PLCZ1: variants seen among roughly 807,000 people sequenced by gnomAD.
The protein encoded by PLCZ1 is 1-phosphatidylinositol 4,5-bisphosphate phosphodiesterase zeta-1.
In PLCZ1, 64 loss-of-function variants were observed where a neutral mutation model predicts 76.8. The ratio of observed to expected loss-of-function variants is 0.83; its 90% CI spans 0.68 to 1.03. The LOEUF (loss-of-function observed/expected upper bound fraction) is 1.03, where lower values mean the gene tolerates loss of function less well. Ranked by LOEUF, PLCZ1 falls within the 50% of genes least tolerant of loss-of-function variation. The pLI is 0.00. For synonymous variants in PLCZ1, 248 were observed against 230.8 expected (o/e 1.07, Z -0.68); for missense variants, 751 against 713.7 (o/e 1.05, Z -0.60).
chr12:18,661,869 G>A, the PLCZ1 span, among the ~76,000 whole-genome samples: 1 of 152,078 alleles, frequency 6.6e-6, no homozygotes, highest in Non-Finnish European at 1.5e-5. Context: ...CAACCTATGT[G>A]CCCATCAACA....
At position 18,713,095 on chromosome 12, in the gene PLCZ1, G is replaced by T. The variant is rs572335666; in HGVS notation, c.570-109C>A. The T allele has an allele frequency of 2.6e-5, 36 of 1,406,946 alleles. No homozygotes were observed. In the South Asian group the frequency reaches 4.0e-4, roughly 16 times the overall value. The allele number at this position is 1,406,946 out of a possible 1,614,324, so 87.2% of individuals were successfully genotyped here. On this transcript the variant is annotated intron_variant, in intron 5 of 14. Transcript: ENST00000266505. ...TTGATTTTATAATAAATGCATAAAT[G>T]AGTCCATAAAACTCTATAAAAACTT...
the PLCZ1 span, among the ~76,000 whole-genome samples, chr12:18,646,026 AAGG>A: frequency 6.6e-6 from 1 of 152,138 alleles, no homozygotes; most frequent in Non-Finnish European, 1.5e-5. Flanking sequence ...AGAAAAGGAA[AAGG>A]AGTTTACTCT....
chr12:18,683,909 G>C (rs141781701), intron 14 of PLCZ1, among the ~76,000 whole-genome samples: 1 of 152,000 alleles, frequency 6.6e-6, no homozygotes, highest in East Asian at 1.9e-4. Flanking sequence ...TACATGCCAA[G>C]TTTGTCTAAT....
chr12:18,650,694 GTGTGTGTGTGTATATATCTATATA>G, the PLCZ1 span, among the ~76,000 whole-genome samples: 170 of 38,838 alleles, frequency 4.4e-3, 3 homozygotes, highest in Non-Finnish European at 5.3e-3. Context: ...GTGTGTGTGT[GTGTGTGTGTGTATATATCTATATA>G]TATATATATA....
chr12:18,720,008 C>G (rs1448154962), intron 4 of PLCZ1, among the ~76,000 whole-genome samples: 1 of 152,030 alleles, frequency 6.6e-6, no homozygotes, highest in African/African-American at 2.4e-5. Context: ...GACTAACTTC[C>G]CAGTCACTCA....
At chr12:18,699,701 T>A in intron 10 of PLCZ1, 93 bp downstream of exon 10, 1 of 1,300,248 alleles carries the variant, frequency 7.7e-7, no homozygotes, top group African/African-American at 1.5e-5. Flanking sequence ...TATGAGAATA[T>A]ACATTTTATA....
the PLCZ1 span, among the ~76,000 whole-genome samples, chr12:18,650,704 G>GTATATATA: frequency 1.7e-5 from 1 of 57,764 alleles, no homozygotes; most frequent in Non-Finnish European, 4.0e-5. Flanking sequence ...GTGTGTGTGT[G>GTATATATA]TATATATCTA....
At position 18,705,215 on chromosome 12, in the gene PLCZ1, A is replaced by G. The variant is rs148612256; in HGVS notation, c.815T>C (p.Leu272Ser). 6.8e-6 allele frequency: 11 copies of G among 1,614,060 alleles called. No individual in the cohort carries two copies. Among genetic ancestry groups the G allele is most frequent in the Non-Finnish European group, 9.3e-6 (11 of 1,179,972 alleles). The part of the protein sequence containing the change: ...DNLQATFGES[L>S]LSDMLDDFPD... The stretch of plus-strand genomic sequence containing the variant: ...AAAATCATCAAGCATATCAGAAAGC[A>G]AGGACTCTCCAAAAGTAGCCTGCAA... The change falls in exon 7 of 15, where the codon TTG becomes TCG. Residue 272 changes from leucine to serine, a missense_variant. Coordinates refer to ENST00000266505, the MANE Select transcript of PLCZ1 (RefSeq NM_033123.4).
At chr12:18,707,487 G>A (rs1329287171) in intron 6 of PLCZ1, among the ~76,000 whole-genome samples, 1 of 152,086 alleles carries the variant, frequency 6.6e-6, no homozygotes, top group Admixed American at 6.6e-5. Flanking sequence ...CACATTGAAA[G>A]TGGATGTTGA....
At chr12:18,676,205 C>A in the PLCZ1 span, among the ~76,000 whole-genome samples, 6 of 152,040 alleles carry the variant, frequency 3.9e-5, no homozygotes, top group Admixed American at 1.3e-4. Context: ...AGAAAGAAAC[C>A]AGGTCCTAAT....
intron 2 of PLCZ1, chr12:18,736,562 C>CA (rs1209957644): frequency 1.4e-4 from 172 of 1,260,268 alleles, no homozygotes; most frequent in East Asian, 2.2e-4. Context: ...AGTAAAAATA[C>CA]AAAAAAAAGA....
At chr12:18,655,021 C>T in the PLCZ1 span, among the ~76,000 whole-genome samples, 14 of 149,676 alleles carry the variant, frequency 9.4e-5, no homozygotes, top group Admixed American at 2.0e-4. Flanking sequence ...TAAACCCAGC[C>T]GAAACAGTCT....
Position 18,701,551 on chromosome 12 carries a change from C to T in PLCZ1, c.967G>A (p.Glu323Lys), listed in dbSNP as rs1308051972. The change falls in exon 9 of 15, where the codon GAA becomes AAA. Residue 323 changes from glutamate to lysine, a missense_variant. Physicochemically the swap from Glu to Lys is moderately conservative, Grantham distance 56 (BLOSUM62 1). Transcript: ENST00000266505. Reference protein sequence around the residue: ...SDKRGDNQDKETGVKKLPGVM... With the variant: ...SDKRGDNQDKKTGVKKLPGVM... ...CCAGGTAACTTTTTTACCCCTGTTT[C>T]CTTGTCTTGATTGTCTCCTAAAACA... The T allele has an allele frequency of 6.2e-7, 1 of 1,613,862 alleles. No individual in the cohort carries two copies. Among genetic ancestry groups the T allele is most frequent in the Admixed American group, 1.7e-5 (1 of 59,988 alleles).
At chr12:18,646,581 G>T in the PLCZ1 span, among the ~76,000 whole-genome samples, 1 of 152,116 alleles carries the variant, frequency 6.6e-6, no homozygotes, top group Admixed American at 6.6e-5. Flanking sequence ...GCTCACAGGG[G>T]AGGCCACCCA....
intron 3 of PLCZ1, among the ~76,000 whole-genome samples, chr12:18,734,461 G>A (rs1011316135): frequency 3.9e-5 from 6 of 152,004 alleles, no homozygotes; most frequent in Admixed American, 6.6e-5. Context: ...AGCAATTCTC[G>A]TGCCTCAGCC....
chr12:18,696,322 C>CTATATAGATATATAGATATATATATA (rs1954985513), intron 10 of PLCZ1, 56 bp from the exon 11 acceptor site: 1 of 253,072 alleles, frequency 4.0e-6, no homozygotes, highest in Non-Finnish European at 6.8e-6. Context: ...TAAAAAGCCA[C>CTATATAGATATATAGATATATATATA]TATATATATA....
At chr12:18,737,899 C>T (rs1383857646) in intron 1 of PLCZ1, 33 bp downstream of exon 1, 5 of 287,266 alleles carry the variant, frequency 1.7e-5, no homozygotes, top group Admixed American at 9.6e-5. Flanking sequence ...TTCTCTAGAT[C>T]GTTGACAACA....
rs77912575 is a variant in PLCZ1 at position 18,710,473 on chromosome 12, T to C, written c.714+2369A>G. Among the ~76,000 whole-genome samples, 561 of 152,114 alleles carry C rather than the reference T, an allele frequency of 3.7e-3. 1 individual carries two copies. The highest frequency in any genetic ancestry group is 0.012 in the African/African-American group (510 of 41,494). On this transcript the variant is annotated intron_variant, in intron 6 of 14. Coordinates refer to ENST00000266505, the MANE Select transcript of PLCZ1 (RefSeq NM_033123.4). ...AATGAAAAACTGACCACTTATGGCC[T>C]TGTGAGTCATTGTACAAATTTCAGC...
intron 13 of PLCZ1, among the ~76,000 whole-genome samples, chr12:18,684,756 TG>T (rs1354893892): frequency 6.6e-6 from 1 of 152,050 alleles, no homozygotes; most frequent in Non-Finnish European, 1.5e-5. Context: ...GTCCTTGATA[TG>T]GTTAAGCTTT....
Sources: allele counts gnomAD v4.1 joint callset (sites outside exome capture counted in the v4.1 genomes callset), GRCh38; gene constraint gnomAD v4.1.1; transcripts MANE v1.5; gene names NCBI Gene and HGNC (gene_info 2026-07-23, HGNC 2026-07-21).